Variants in PAK1 observed in about 807,000 individuals in gnomAD.
The protein encoded by PAK1 is p21 (RAC1) activated kinase 1.
A neutral mutation model predicts 67.4 loss-of-function variants in PAK1; 29 were observed. The observed-to-expected ratio is 0.43, with a 90% confidence interval of 0.32 to 0.59. The LOEUF (loss-of-function observed/expected upper bound fraction) is 0.59, where lower values mean the gene tolerates loss of function less well. PAK1 is among the 20% of genes least tolerant of loss of function. The pLI is 0.07. For synonymous variants in PAK1, 223 were observed against 237.4 expected, an observed-to-expected ratio of 0.94 and a Z score of 0.56; for missense variants, 337 against 670.7, an observed-to-expected ratio of 0.50 and a Z score of 5.50.
the PAK1 span, among the ~76,000 whole-genome samples, chr11:77,518,563 C>T: frequency 6.6e-6 from 1 of 152,088 alleles, no homozygotes; most frequent in South Asian, 2.1e-4. Context: ...CGGCACTCTG[C>T]TTGGATTTGC....
the PAK1 span, among the ~76,000 whole-genome samples, chr11:77,498,481 G>GACACAC: frequency 2.0e-5 from 3 of 146,672 alleles, no homozygotes; most frequent in African/African-American, 7.8e-5. Flanking sequence ...CTCTTTCTCC[G>GACACAC]ACACACACAC....
At chr11:77,333,167 C>T (rs931101907) in intron 13 of PAK1, among the ~76,000 whole-genome samples, 2 of 149,028 alleles carry the variant, frequency 1.3e-5, no homozygotes, top group Non-Finnish European at 3.0e-5. Context: ...AAATATGTTA[C>T]AGACCTAAGG....
chr11:77,413,283 C>A (rs899440987), intron 1 of PAK1, among the ~76,000 whole-genome samples: 4 of 152,154 alleles, frequency 2.6e-5, no homozygotes, highest in Non-Finnish European at 4.4e-5. Context: ...TTAATAACTT[C>A]TCTCAGAGGT....
intron 13 of PAK1, among the ~76,000 whole-genome samples, chr11:77,333,388 G>A (rs1295718675): frequency 1.3e-5 from 2 of 151,886 alleles, no homozygotes; most frequent in African/African-American, 4.8e-5. Context: ...AGTAGAGACG[G>A]GGTTTTACCA....
chr11:77,442,756 A>C (rs754034903), intron 1 of PAK1, among the ~76,000 whole-genome samples: 2 of 152,204 alleles, frequency 1.3e-5, no homozygotes, highest in Admixed American at 1.3e-4. Context: ...TAACTAATAC[A>C]ACCATCAAAC....
chr11:77,337,690 T>C (rs574472479), intron 11 of PAK1, among the ~76,000 whole-genome samples: 3 of 152,286 alleles, frequency 2.0e-5, no homozygotes, highest in South Asian at 4.1e-4. Context: ...AATGTAATTT[T>C]TTTTCTAATT....
chr11:77,381,069 T>C (rs769645814), intron 2 of PAK1, among the ~76,000 whole-genome samples: 6 of 150,964 alleles, frequency 4.0e-5, no homozygotes, highest in Non-Finnish European at 8.8e-5. Context: ...TGATAAAAGG[T>C]AGCAAAATGA....
chr11:77,491,589 TGTTA>T, the PAK1 span, among the ~76,000 whole-genome samples: 1 of 152,128 alleles, frequency 6.6e-6, no homozygotes. Context: ...TCTCTTTGCT[TGTTA>T]GTTTATGCAA....
At chr11:77,514,992 T>A in the PAK1 span, 1 of 152,192 alleles carries the variant, frequency 6.6e-6, no homozygotes, top group South Asian at 2.1e-4. Context: ...GAGGAAAATA[T>A]GAGAAAAGTC....
chr11:77,385,242 G>T (rs1239950558), intron 2 of PAK1, among the ~76,000 whole-genome samples: 1 of 152,110 alleles, frequency 6.6e-6, no homozygotes, highest in Non-Finnish European at 1.5e-5. Flanking sequence ...GAAGTAAAAG[G>T]AGAAGGATTA....
At chr11:77,496,762 G>A in the PAK1 span, among the ~76,000 whole-genome samples, 2 of 152,130 alleles carry the variant, frequency 1.3e-5, no homozygotes, top group Non-Finnish European at 2.9e-5. Flanking sequence ...GCAAAACGCT[G>A]TCTCTACTGA....
chr11:77,325,444 G>A (rs1399690890), intron 14 of PAK1: 1 of 1,513,770 alleles, frequency 6.6e-7, no homozygotes, highest in Non-Finnish European at 9.0e-7. Context: ...AAAGTGCTTA[G>A]TGCCTAAATA....
At chr11:77,334,692 C>T (rs1397696449) in intron 13 of PAK1, among the ~76,000 whole-genome samples, 2 of 152,300 alleles carry the variant, frequency 1.3e-5, no homozygotes. Context: ...CCTTCTTGTA[C>T]ATGACCATTT....
chr11:77,342,885 C>CTTTT (rs35338818), intron 10 of PAK1, among the ~76,000 whole-genome samples: 3 of 146,868 alleles, frequency 2.0e-5, no homozygotes, highest in African/African-American at 5.0e-5. Flanking sequence ...AGAAGCTTAA[C>CTTTT]TTTTTTTTTT....
intron 10 of PAK1, among the ~76,000 whole-genome samples, chr11:77,342,249 A>G (rs2725831): frequency 0.29 from 43,326 of 151,704 alleles, 6,499 homozygotes; most frequent in South Asian, 0.45. Flanking sequence ...TCTATACCAG[A>G]CCAGGAACTA....
intron 1 of PAK1, among the ~76,000 whole-genome samples, chr11:77,433,639 C>T (rs943027365): frequency 6.6e-6 from 1 of 152,022 alleles, no homozygotes; most frequent in East Asian, 1.9e-4. Flanking sequence ...ATTAGCTGGG[C>T]GTGGTGGCAC....
intron 1 of PAK1, among the ~76,000 whole-genome samples, chr11:77,426,408 G>A (rs1321735443): frequency 6.6e-6 from 1 of 152,076 alleles, no homozygotes; most frequent in Admixed American, 6.6e-5. Flanking sequence ...AACCCTACAA[G>A]AATCATATCA....
intron 1 of PAK1, among the ~76,000 whole-genome samples, chr11:77,436,800 C>T (rs1251464791): frequency 1.3e-5 from 2 of 152,180 alleles, no homozygotes; most frequent in African/African-American, 4.8e-5. Context: ...GCTCTCCCTC[C>T]ATCTCAAACA....
intron 7 of PAK1, among the ~76,000 whole-genome samples, chr11:77,354,491 A>G (rs1945734251): frequency 1.3e-5 from 2 of 152,204 alleles, no homozygotes. Flanking sequence ...TCAGTGGCTG[A>G]GCAGAAGCTT....
Sources: gnomAD v4.1 joint callset for allele counts (sites outside exome capture counted in the v4.1 genomes callset) on GRCh38, gnomAD v4.1.1 for gene constraint, MANE v1.5 for transcripts, NCBI Gene and HGNC (gene_info 2026-07-23, HGNC 2026-07-21) for gene names.